The following LAMA2 variants were observed in gnomAD, a reference collection of about 807,000 sequenced individuals.
The protein encoded by LAMA2 is laminin subunit alpha 2, also known as laminin subunit alpha-2.
In LAMA2, 269 loss-of-function variants were observed where a neutral mutation model predicts 364.8. The observed-to-expected ratio is 0.74, with a 90% CI of 0.67 to 0.82. The LOEUF (loss-of-function observed/expected upper bound fraction) is 0.82, where lower values mean the gene tolerates loss of function less well. Among genes scored for constraint, LAMA2 ranks in the 40% least tolerant of loss-of-function variants. The probability of loss-of-function intolerance (pLI) is 0.00; values close to 1 mark genes in which losing one functional copy is unlikely to be tolerated. For missense variants in LAMA2, 3,807 were observed against 3,873.2 expected (o/e 0.98, Z 0.45); for synonymous variants, 1,379 against 1,370.6 (o/e 1.01, Z -0.14).
chr6:129,451,234 T>C (rs1782659226), intron 45 of LAMA2, among the ~76,000 whole-genome samples: 2 of 152,148 alleles, frequency 1.3e-5, no homozygotes, highest in East Asian at 1.9e-4. Context: ...ACTCACCTAC[T>C]CTCAACACTG....
chr6:129,312,060 A>C (rs1169222784), intron 22 of LAMA2, among the ~76,000 whole-genome samples: 4 of 147,062 alleles, frequency 2.7e-5, no homozygotes, highest in African/African-American at 1.1e-4. Flanking sequence ...AACAGATGTA[A>C]AAATCAAAAA....
intron 40 of LAMA2, among the ~76,000 whole-genome samples, chr6:129,421,551 G>T (rs1781074469): frequency 6.6e-6 from 1 of 152,082 alleles, no homozygotes; most frequent in South Asian, 2.1e-4. Flanking sequence ...TTCATCACCT[G>T]TCCTGATATT....
chr6:129,065,853 C>T (rs892683657), intron 3 of LAMA2, among the ~76,000 whole-genome samples: 1 of 151,866 alleles, frequency 6.6e-6, no homozygotes, highest in Non-Finnish European at 1.5e-5. Context: ...TGAAAAGTCT[C>T]ATGAGATCTG....
intron 4 of LAMA2, among the ~76,000 whole-genome samples, chr6:129,117,280 T>C (rs1776533433): frequency 1.3e-5 from 2 of 152,202 alleles, no homozygotes; most frequent in African/African-American, 4.8e-5. Flanking sequence ...AAGGACAATA[T>C]TACTTGCTTA....
At chr6:129,288,268 G>A (rs1431357430) in intron 19 of LAMA2, among the ~76,000 whole-genome samples, 1 of 152,084 alleles carries the variant, frequency 6.6e-6, no homozygotes, top group Non-Finnish European at 1.5e-5. Flanking sequence ...TGGTATTGAA[G>A]CATCACTGTT....
chr6:129,119,587 G>T (rs991303770), intron 4 of LAMA2, among the ~76,000 whole-genome samples: 1 of 151,584 alleles, frequency 6.6e-6, no homozygotes, highest in South Asian at 2.1e-4. Context: ...TCGATCTGTC[G>T]CCCAGGCTGG....
intron 4 of LAMA2, among the ~76,000 whole-genome samples, chr6:129,139,721 T>C (rs1052487614): frequency 6.6e-6 from 1 of 152,088 alleles, no homozygotes; most frequent in Non-Finnish European, 1.5e-5. Flanking sequence ...TGAGCATGAC[T>C]GGATTTAAGA....
chr6:129,128,280 G>C (rs982607354), intron 4 of LAMA2, among the ~76,000 whole-genome samples: 10 of 152,110 alleles, frequency 6.6e-5, no homozygotes, highest in African/African-American at 2.4e-4. Context: ...TGTATTCTTA[G>C]CATCTTTGTC....
chr6:129,295,105 C>G (rs983617633), intron 20 of LAMA2, among the ~76,000 whole-genome samples: 1 of 152,150 alleles, frequency 6.6e-6, no homozygotes, highest in Non-Finnish European at 1.5e-5. Flanking sequence ...GCCAACCTAG[C>G]TGATCTGGAA....
In LAMA2 at chr6:129,214,247, A is replaced by G. The variant is rs141343735; in HGVS notation, c.1782+21394A>G. ...CTTGTGCTGCATCTTAACATGGTGGAGAAGTGGAAGAAAAAGTGGGCATGT... is the reference window on the plus strand; with the variant it reads ...CTTGTGCTGCATCTTAACATGGTGGGGAAGTGGAAGAAAAAGTGGGCATGT... On this transcript the variant is annotated intron_variant, in intron 12 of 64. Transcript: ENST00000421865. 4.3e-3 allele frequency among the ~76,000 whole-genome samples: 650 copies of G among 152,310 alleles called. 10 individuals carry two copies. The highest frequency in any genetic ancestry group is 0.015 in the African/African-American group (622 of 41,570).
At chr6:129,253,621 T>C (rs1786419786) in intron 14 of LAMA2, among the ~76,000 whole-genome samples, 1 of 152,244 alleles carries the variant, frequency 6.6e-6, no homozygotes, top group African/African-American at 2.4e-5. Context: ...TGTCATGATG[T>C]TTAAACAGTA....
chr6:129,259,241 C>T (rs1414071748), intron 14 of LAMA2, among the ~76,000 whole-genome samples: 1 of 152,084 alleles, frequency 6.6e-6, no homozygotes, highest in East Asian at 1.9e-4. Flanking sequence ...GATATGTTTA[C>T]ACCTTGTAAT....
chr6:129,315,904 C>T lies in LAMA2; in HGVS notation c.3878C>T (p.Ala1293Val). 6.2e-7 allele frequency: 1 copy of T among 1,614,118 alleles called. No homozygotes were observed. Among genetic ancestry groups the T allele is most frequent in the Middle Eastern group, 1.6e-4 (1 of 6,062 alleles). The change falls in exon 26 of 65, where the codon GCT becomes GTT. Residue 1293 changes from alanine (A) to valine (V), a missense_variant. Ala to Val is a moderately conservative substitution (Grantham distance 64). This residue lies in a region of LAMA2 where 3,333 missense variants were observed against 3,345.7 expected (regional missense o/e 1.00). Transcript: ENST00000421865. ...AGAATTATCGTCAGGCATATGGCTG[C>T]TCCTCTGATTGGCCAATTGACAAGG... ...HARIIVRHMA[A>V]PLIGQLTRHE...
At chr6:129,280,224 G>T in intron 18 of LAMA2, 77 bp downstream of exon 18, 1 of 940,242 alleles carries the variant, frequency 1.1e-6, no homozygotes, top group South Asian at 1.3e-5. Context: ...ATCATCCTTT[G>T]CATCATCCTT....
intron 1 of LAMA2, among the ~76,000 whole-genome samples, chr6:129,016,868 A>G (rs1209202377): frequency 6.6e-6 from 1 of 151,658 alleles, no homozygotes; most frequent in African/African-American, 2.4e-5. Context: ...CTATACATAT[A>G]TACATTATAT....
intron 2 of LAMA2, 53 bp downstream of exon 2, chr6:129,050,141 A>T: frequency 6.4e-7 from 1 of 1,570,140 alleles, no homozygotes; most frequent in Non-Finnish European, 8.8e-7. Context: ...TATAATTGTG[A>T]GATGTTGAGG....
chr6:129,253,698 G>A (rs1388882244), intron 14 of LAMA2, among the ~76,000 whole-genome samples: 1 of 152,134 alleles, frequency 6.6e-6, no homozygotes, highest in East Asian at 1.9e-4. Context: ...GTGTCTGGGG[G>A]GCTTATATAT....
chr6:129,480,561 A>C (rs1784296528), intron 54 of LAMA2, among the ~76,000 whole-genome samples: 1 of 152,120 alleles, frequency 6.6e-6, no homozygotes. Context: ...GAGTGAATGA[A>C]TGAATGAATG....
intron 17 of LAMA2, among the ~76,000 whole-genome samples, chr6:129,278,648 C>T (rs1056926790): frequency 2.6e-5 from 4 of 152,120 alleles, no homozygotes; most frequent in African/African-American, 9.7e-5. Context: ...ACTCGCAGTG[C>T]ACACGCTGGG....
Sources: gnomAD v4.1 joint callset for allele counts (sites outside exome capture counted in the v4.1 genomes callset) on GRCh38, gnomAD v4.1.1 for gene constraint, gnomAD v4.1.1 regional missense constraint, MANE v1.5 for transcripts, NCBI Gene and HGNC (gene_info 2026-07-23, HGNC 2026-07-21) for gene names.